ZCCHC14: variants seen among roughly 807,000 people sequenced by gnomAD.
ZCCHC14 encodes the protein zinc finger CCHC-type containing 14.
A neutral mutation model predicts 85.0 loss-of-function variants in ZCCHC14; 16 were observed. The ratio of observed to expected loss-of-function variants is 0.19; its 90% confidence interval spans 0.13 to 0.29. The LOEUF is 0.29. Ranked by LOEUF, ZCCHC14 falls within the 10% of genes least tolerant of loss-of-function variation. The pLI, the probability that ZCCHC14 is intolerant of heterozygous loss-of-function variation, is 1.00. For missense variants in ZCCHC14, 1,303 were observed against 1,443.5 expected, an observed-to-expected ratio of 0.90 and a Z score of 1.58; for synonymous variants, 775 against 630.7, an observed-to-expected ratio of 1.23 and a Z score of -3.43.
In ZCCHC14 at chr16:87,408,495, T is replaced by C. The variant is rs1908300170; in HGVS notation, c.*1785A>G. 1 of 152,620 alleles carries C rather than the reference T, an allele frequency of 6.6e-6. No individual in the cohort carries two copies. Among genetic ancestry groups the C allele is most frequent in the Admixed American group, 6.5e-5 (1 of 15,282 alleles). The allele number at this position is 152,620 out of a possible 1,614,324, so 9.5% of individuals were successfully genotyped here. On this transcript the variant is annotated 3_prime_UTR_variant, in exon 13 of 13. Coordinates refer to ENST00000671377, the MANE Select transcript of ZCCHC14 (RefSeq NM_015144.3). The stretch of plus-strand genomic sequence containing the variant: ...GTCAGTTCTCATTATTTTGACATTT[T>C]GTAGTGTTTACAATTTAAGAGATCA...
At chr16:87,429,460 T>C (rs376934569) in intron 3 of ZCCHC14, among the ~76,000 whole-genome samples, 57 of 151,400 alleles carry the variant, frequency 3.8e-4, no homozygotes, top group African/African-American at 1.4e-3. Context: ...TGCAGGCATG[T>C]GCCACTACAC....
intron 1 of ZCCHC14, among the ~76,000 whole-genome samples, chr16:87,466,693 T>C (rs1435875487): frequency 2.6e-5 from 4 of 152,216 alleles, no homozygotes; most frequent in East Asian, 1.9e-4. Flanking sequence ...TTTCTACGAC[T>C]GTGCAATCAA....
At chr16:87,438,635 C>T (rs1910044416) in intron 2 of ZCCHC14, among the ~76,000 whole-genome samples, 1 of 152,234 alleles carries the variant, frequency 6.6e-6, no homozygotes, top group Admixed American at 6.5e-5. Context: ...TGAATAAAAA[C>T]AGGAAATGGT....
At chr16:87,452,365 T>C (rs1190472383) in intron 2 of ZCCHC14, among the ~76,000 whole-genome samples, 1 of 151,902 alleles carries the variant, frequency 6.6e-6, no homozygotes. Context: ...TGGGTGGAAA[T>C]ATTCACGTTA....
intron 3 of ZCCHC14, among the ~76,000 whole-genome samples, chr16:87,430,960 T>C (rs1352374892): frequency 6.7e-6 from 1 of 148,952 alleles, no homozygotes; most frequent in Non-Finnish European, 1.5e-5. Flanking sequence ...AACAACACGG[T>C]GAAACCCTAT....
intron 2 of ZCCHC14, among the ~76,000 whole-genome samples, chr16:87,451,358 C>A (rs1284908747): frequency 6.6e-6 from 1 of 151,860 alleles, no homozygotes; most frequent in South Asian, 2.1e-4. Context: ...CTACCACACC[C>A]AGCTAATCTT....
intron 1 of ZCCHC14, among the ~76,000 whole-genome samples, chr16:87,488,012 C>T (rs1050970728): frequency 6.6e-6 from 1 of 152,078 alleles, no homozygotes; most frequent in Non-Finnish European, 1.5e-5. Context: ...CACTGGGTTT[C>T]TTTTTGGGGA....
rs1012436271 is a variant in ZCCHC14 at position 87,408,932 on chromosome 16, G to A, written c.*1348C>T. On this transcript the variant is annotated 3_prime_UTR_variant, in exon 13 of 13. Coordinates refer to ENST00000671377, the MANE Select transcript of ZCCHC14 (RefSeq NM_015144.3). The stretch of plus-strand genomic sequence containing the variant: ...TAACATTGAAGACTTTAGCATTTTC[G>A]ATAAGAGTATTATTTGAGCAGAAAA... The A allele has an allele frequency of 1.4e-4, 21 of 152,584 alleles. No homozygotes were observed. The highest frequency in any genetic ancestry group is 8.5e-4 in the Admixed American group (13 of 15,282). The allele number at this position is 152,584 out of a possible 1,614,324, so 9.5% of individuals were successfully genotyped here.
chr16:87,417,414 T>C, intron 8 of ZCCHC14, 46 bp downstream of exon 8: 2 of 1,594,474 alleles, frequency 1.3e-6, no homozygotes, highest in Non-Finnish European at 1.7e-6. Flanking sequence ...AGGTCTTGAG[T>C]AAACAATCTA....
intron 1 of ZCCHC14, among the ~76,000 whole-genome samples, chr16:87,481,552 G>GA (rs1567544386): frequency 3.2e-5 from 1 of 31,166 alleles, no homozygotes. Context: ...TGGGGGGGGG[G>GA]AAGGGTAAGC....
chr16:87,423,944 T>C, intron 3 of ZCCHC14, 63 bp from the exon 4 acceptor site: 1 of 1,565,804 alleles, frequency 6.4e-7, no homozygotes, highest in Non-Finnish European at 8.7e-7. Flanking sequence ...TCCCAGCACG[T>C]GTCCTGGTAC....
chr16:87,483,174 C>G (rs899377935), intron 1 of ZCCHC14, among the ~76,000 whole-genome samples: 15 of 151,642 alleles, frequency 9.9e-5, no homozygotes, highest in African/African-American at 3.6e-4. Context: ...AACTAAGAAC[C>G]CAGCCAGGCG....
intron 1 of ZCCHC14, among the ~76,000 whole-genome samples, chr16:87,481,403 G>A (rs775899795): frequency 6.6e-6 from 1 of 151,822 alleles, no homozygotes; most frequent in Non-Finnish European, 1.5e-5. Context: ...GGCCATGCTG[G>A]TTTCCTGAAG....
At position 87,420,987 on chromosome 16, in the gene ZCCHC14, C is replaced by T. The variant is rs376168549; in HGVS notation, c.841-271G>A. Among the ~76,000 whole-genome samples the T allele has an allele frequency of 1.2e-4, 18 of 152,356 alleles. No homozygotes were observed. In the East Asian group the frequency reaches 1.7e-3, roughly 15 times the overall value. On this transcript the variant is annotated intron_variant, in intron 4 of 12. Transcript: ENST00000671377. This position sits in a 1 kb window ranked among gnomAD's most constrained non-coding sequence, Gnocchi z 5.0. ...TTGAGCCCATCTGAGAGTTGCTGGGCCACTAAGTCAACTTAATTTCAAACG... is the reference window on the plus strand; with the variant it reads ...TTGAGCCCATCTGAGAGTTGCTGGGTCACTAAGTCAACTTAATTTCAAACG...
intron 2 of ZCCHC14, among the ~76,000 whole-genome samples, chr16:87,446,295 C>G (rs986634472): frequency 6.6e-6 from 1 of 152,100 alleles, no homozygotes; most frequent in Admixed American, 6.5e-5. Context: ...ACCAGCCTGG[C>G]CAACATGGCA....
rs1326767509 is a variant in ZCCHC14, at chr16:87,477,395, G to A, written c.570+14274C>T. Among the ~76,000 whole-genome samples the A allele has an allele frequency of 3.9e-5, 6 of 152,316 alleles. 1 individual carries two copies. The highest frequency in any genetic ancestry group is 3.9e-4 in the Admixed American group (6 of 15,312). Reference sequence around the variant, plus strand: ...ATGGATCCCGCCCAGGGCCGGCCGCGCACATGGGGCAGCCCCGGGCATCAG... The same window carrying A: ...ATGGATCCCGCCCAGGGCCGGCCGCACACATGGGGCAGCCCCGGGCATCAG... On this transcript the variant is annotated intron_variant, in intron 1 of 12. Coordinates refer to ENST00000671377, the MANE Select transcript of ZCCHC14 (RefSeq NM_015144.3).
At chr16:87,485,201 G>A (rs1912459963) in intron 1 of ZCCHC14, among the ~76,000 whole-genome samples, 2 of 152,118 alleles carry the variant, frequency 1.3e-5, no homozygotes, top group African/African-American at 4.8e-5. Context: ...ATCATGCCCT[G>A]ATCAGACATG....
At position 87,410,214 on chromosome 16, in the gene ZCCHC14, C is replaced by A. The variant is rs1908370243; in HGVS notation, c.*66G>T. On this transcript the variant is annotated 3_prime_UTR_variant, in exon 13 of 13. Coordinates refer to ENST00000671377, the MANE Select transcript of ZCCHC14 (RefSeq NM_015144.3). ...TAAGCTCAACAGCAACTAGACTTCT[C>A]AGTTTTGTATTTAATTTTCCTTATG... is the stretch of plus-strand genomic sequence containing the variant. The A allele has an allele frequency of 1.5e-6, 1 of 665,124 alleles. No homozygotes were observed. Among genetic ancestry groups the A allele is most frequent in the African/African-American group, 1.8e-5 (1 of 54,056 alleles). The allele number at this position is 665,124 out of a possible 1,614,324, so 41.2% of individuals were successfully genotyped here.
In ZCCHC14 at chr16:87,429,521, C is replaced by T. The variant is rs556758038; in HGVS notation, c.768+3607G>A. 2.2e-4 allele frequency among the ~76,000 whole-genome samples: 33 copies of T among 152,196 alleles called. No individual in the cohort carries two copies. The East Asian group carries it at 4.3e-3, about 20-fold the overall frequency. On this transcript the variant is annotated intron_variant, in intron 3 of 12. Transcript: ENST00000671377. ...AGAAGCAGCAACTTGTTGGGCATGG[C>T]GGCTCATGCCAGCAACCTAGGCGGC... is the stretch of plus-strand genomic sequence containing the variant.
Sources: gnomAD v4.1 joint callset for allele counts (sites outside exome capture counted in the v4.1 genomes callset) on GRCh38, gnomAD v4.1.1 for gene constraint, Gnocchi (gnomAD v3.1) non-coding constraint, MANE v1.5 for transcripts, NCBI Gene and HGNC (gene_info 2026-07-23, HGNC 2026-07-21) for gene names.